LCLAT1: variants seen among roughly 807,000 people sequenced by gnomAD.
LCLAT1 encodes the protein 1-AGP acyltransferase 8.
Under a neutral mutation model 30.7 loss-of-function variants are expected in LCLAT1, and 11 were observed. The observed-to-expected ratio is 0.36, with a 90% confidence interval of 0.23 to 0.59. The LOEUF (loss-of-function observed/expected upper bound fraction) is 0.59. Among genes scored for constraint, LCLAT1 ranks in the 20% least tolerant of loss-of-function variants. The pLI is 0.77. For missense variants in LCLAT1, 402 were observed against 458.6 expected (o/e 0.88, Z 1.13); for synonymous variants, 155 against 151.3 (o/e 1.02, Z -0.18).
chr2:30,496,430 C>G (rs557029030), intron 1 of LCLAT1, among the ~76,000 whole-genome samples: 7 of 152,266 alleles, frequency 4.6e-5, no homozygotes, highest in African/African-American at 1.7e-4. Context: ...GTCTTTCTTC[C>G]GGGTACTGTA....
chr2:30,580,582 A>G (rs1173320097), intron 5 of LCLAT1, among the ~76,000 whole-genome samples: 1 of 152,160 alleles, frequency 6.6e-6, no homozygotes, highest in Non-Finnish European at 1.5e-5. Context: ...GGTGTAGACA[A>G]CAGAAAGGGG....
At position 30,640,610 on chromosome 2, in the gene LCLAT1, A is replaced by G; in HGVS notation, c.1122A>G (p.Lys374=). 6.2e-7 allele frequency: 1 copy of G among 1,600,688 alleles called. No individual in the cohort carries two copies. The highest frequency in any genetic ancestry group is 8.5e-7 in the Non-Finnish European group (1 of 1,174,718). ...LHKQPHLNSK[K]NE is the part of the protein sequence containing the mutation. ...AACAGCCACATTTAAATTCAAAGAAAAATGAGTAAGATTATAAGGTTTGCC... is the reference window on the plus strand; with the variant it reads ...AACAGCCACATTTAAATTCAAAGAAGAATGAGTAAGATTATAAGGTTTGCC... Residue 374 remains lysine (K), a synonymous_variant, in exon 6 of 6, where the codon AAA becomes AAG. Transcript: ENST00000379509.
chr2:30,510,508 C>T (rs1255775277), intron 1 of LCLAT1, among the ~76,000 whole-genome samples: 4 of 152,262 alleles, frequency 2.6e-5, no homozygotes, highest in South Asian at 2.1e-4. Context: ...GTTTGTGGAA[C>T]GTTCTTTGTC....
intron 3 of LCLAT1, among the ~76,000 whole-genome samples, chr2:30,556,377 T>C (rs2148431384): frequency 6.6e-6 from 1 of 152,292 alleles, no homozygotes; most frequent in East Asian, 1.9e-4. Flanking sequence ...GCTTGCTCCT[T>C]TCCACATTAG....
intron 1 of LCLAT1, chr2:30,459,705 G>T: frequency 6.2e-7 from 1 of 1,613,420 alleles, no homozygotes; most frequent in South Asian, 1.1e-5. Context: ...TCATAAAGCA[G>T]GACTCTAAAA....
At chr2:30,470,089 T>C (rs984405036) in intron 1 of LCLAT1, among the ~76,000 whole-genome samples, 6 of 152,250 alleles carry the variant, frequency 3.9e-5, no homozygotes, top group Non-Finnish European at 5.9e-5. Context: ...CAAAATGGTC[T>C]TGTGTGTCGA....
At chr2:30,526,589 C>T (rs1308654402) in intron 2 of LCLAT1, among the ~76,000 whole-genome samples, 1 of 152,054 alleles carries the variant, frequency 6.6e-6, no homozygotes, top group Non-Finnish European at 1.5e-5. Context: ...GTCTTTTAGG[C>T]AAAATTTCTT....
intron 5 of LCLAT1, among the ~76,000 whole-genome samples, chr2:30,578,966 T>G (rs1490065952): frequency 6.6e-6 from 1 of 152,168 alleles, no homozygotes; most frequent in Non-Finnish European, 1.5e-5. Context: ...ACCTTTTGGA[T>G]CAGTAAAAAG....
intron 2 of LCLAT1, among the ~76,000 whole-genome samples, chr2:30,526,222 C>G (rs1265991012): frequency 6.6e-6 from 1 of 151,900 alleles, no homozygotes; most frequent in East Asian, 1.9e-4. Flanking sequence ...CTTATTCTCT[C>G]TCTCCTCATT....
intron 5 of LCLAT1, among the ~76,000 whole-genome samples, chr2:30,579,625 T>C (rs1666130418): frequency 1.3e-5 from 2 of 152,060 alleles, no homozygotes; most frequent in Admixed American, 1.3e-4. Context: ...GGATTTGAAT[T>C]GGTAAAGAAA....
At chr2:30,521,663 T>C (rs1685484095) in intron 1 of LCLAT1, among the ~76,000 whole-genome samples, 1 of 151,722 alleles carries the variant, frequency 6.6e-6, no homozygotes. Context: ...CGCGCCACCA[T>C]GCCCAGCTAA....
chr2:30,506,632 C>T (rs1684673175), intron 1 of LCLAT1, among the ~76,000 whole-genome samples: 1 of 152,050 alleles, frequency 6.6e-6, no homozygotes. Context: ...GCCTTTGAGA[C>T]TCAAAAGGAA....
At chr2:30,558,181 T>G (rs75621459) in intron 3 of LCLAT1, among the ~76,000 whole-genome samples, 19,323 of 152,156 alleles carry the variant, frequency 0.13, 1,359 homozygotes, top group South Asian at 0.23. Flanking sequence ...TGTGTCTGTG[T>G]TTATACCTGA....
intron 1 of LCLAT1, among the ~76,000 whole-genome samples, chr2:30,462,264 A>G (rs1047963178): frequency 3.3e-5 from 5 of 152,252 alleles, no homozygotes; most frequent in African/African-American, 9.6e-5. Context: ...TGGATGGGGC[A>G]CTCAGTTTGT....
At chr2:30,554,065 C>T (rs1232434869) in intron 3 of LCLAT1, among the ~76,000 whole-genome samples, 3 of 152,034 alleles carry the variant, frequency 2.0e-5, no homozygotes, top group Non-Finnish European at 4.4e-5. Flanking sequence ...AAGAGAAAAA[C>T]ATTTAAGCTA....
rs994106559 is a variant in LCLAT1, at chr2:30,488,599, C to G, written c.-4-36988C>G. Among the ~76,000 whole-genome samples, 46 of 152,222 alleles carry G rather than the reference C, an allele frequency of 3.0e-4. 1 individual carries two copies. The highest frequency in any genetic ancestry group is 4.4e-5 in the Non-Finnish European group (3 of 68,038). ...TTAGATATTGACTCTTAGATATTGT[C>G]TCTTAGATATTCTCTTTCGTTTTTT... On this transcript the variant is annotated intron_variant, in intron 1 of 5. Transcript: ENST00000379509.
intron 1 of LCLAT1, among the ~76,000 whole-genome samples, chr2:30,498,700 G>A (rs1368974151): frequency 1.3e-5 from 2 of 152,194 alleles, no homozygotes; most frequent in Admixed American, 6.5e-5. Context: ...TTCTGCAGCT[G>A]TAAAATGGAT....
At chr2:30,601,072 A>G (rs191454273) in intron 5 of LCLAT1, among the ~76,000 whole-genome samples, 3 of 152,206 alleles carry the variant, frequency 2.0e-5, no homozygotes, top group African/African-American at 7.2e-5. Flanking sequence ...CGTTTGATCT[A>G]TTCAGTTATT....
intron 1 of LCLAT1, among the ~76,000 whole-genome samples, chr2:30,475,811 AT>A (rs1683016017): frequency 6.6e-6 from 1 of 152,204 alleles, no homozygotes; most frequent in Non-Finnish European, 1.5e-5. Context: ...TTTCAGTATA[AT>A]GAAATCTCAA....
Sources: gnomAD v4.1 joint callset for allele counts (sites outside exome capture counted in the v4.1 genomes callset) on GRCh38, gnomAD v4.1.1 for gene constraint, MANE v1.5 for transcripts, NCBI Gene and HGNC (gene_info 2026-07-23, HGNC 2026-07-21) for gene names.